Variants in HS6ST3 observed in about 807,000 individuals in gnomAD.
The protein encoded by HS6ST3 is heparan-sulfate 6-O-sulfotransferase 3.
HS6ST3 carries 12 observed loss-of-function variants against 36.7 expected under a neutral mutation model. The ratio of observed to expected loss-of-function variants is 0.33; its 90% CI spans 0.21 to 0.53. The LOEUF (loss-of-function observed/expected upper bound fraction) is 0.53. HS6ST3 is among the 20% of genes least tolerant of loss of function. The pLI is 0.95. For synonymous variants in HS6ST3, 240 were observed against 257.5 expected, an observed-to-expected ratio of 0.93 and a Z score of 0.65; for missense variants, 584 against 640.9, an observed-to-expected ratio of 0.91 and a Z score of 0.96.
chr13:96,756,846 C>T (rs919655896), intron 1 of HS6ST3, among the ~76,000 whole-genome samples: 2 of 152,220 alleles, frequency 1.3e-5, no homozygotes, highest in East Asian at 3.8e-4. Context: ...TCTACTGAGA[C>T]ATTGCTAAGT....
intron 1 of HS6ST3, among the ~76,000 whole-genome samples, chr13:96,320,021 T>G (rs2054995636): frequency 6.6e-6 from 1 of 152,160 alleles, no homozygotes; most frequent in South Asian, 2.1e-4. Flanking sequence ...GTTTTTCGGT[T>G]TACTCCTCAA....
At chr13:96,596,346 A>G (rs1264982955) in intron 1 of HS6ST3, among the ~76,000 whole-genome samples, 2 of 152,032 alleles carry the variant, frequency 1.3e-5, no homozygotes, top group African/African-American at 4.8e-5. Flanking sequence ...TTACATTTTC[A>G]TTATTAACTC....
intron 1 of HS6ST3, among the ~76,000 whole-genome samples, chr13:96,783,791 T>C (rs889364883): frequency 6.6e-6 from 1 of 152,128 alleles, no homozygotes; most frequent in Non-Finnish European, 1.5e-5. Context: ...CCGGAAGTGA[T>C]GTGATCTTGC....
chr13:96,785,568 C>A (rs974294142), intron 1 of HS6ST3, among the ~76,000 whole-genome samples: 4 of 152,138 alleles, frequency 2.6e-5, no homozygotes, highest in African/African-American at 9.7e-5. Flanking sequence ...TAGCAGAAAC[C>A]AAAGGCTTTC....
chr13:96,436,653 A>G lies in HS6ST3; in HGVS notation c.707+345084A>G, dbSNP rs538891387. Among the ~76,000 whole-genome samples, 58 of 152,340 alleles carry G rather than the reference A, an allele frequency of 3.8e-4. 1 individual carries two copies. Among genetic ancestry groups the G allele is most frequent in the Non-Finnish European group, 6.2e-4 (42 of 68,020 alleles). On this transcript the variant is annotated intron_variant, in intron 1 of 1. Coordinates refer to ENST00000376705, the MANE Select transcript of HS6ST3 (RefSeq NM_153456.4). ...CCTTATAAGAAGAAGAAATTTCATC[A>G]TATAAAAAGGATACAAGGTTTGCGC...
At chr13:96,450,483 C>G (rs184859225) in intron 1 of HS6ST3, among the ~76,000 whole-genome samples, 1 of 152,246 alleles carries the variant, frequency 6.6e-6, no homozygotes, top group East Asian at 1.9e-4. Flanking sequence ...AATACAGACC[C>G]CTGCTTGCCT....
At chr13:96,122,903 A>G (rs1377781460) in intron 1 of HS6ST3, among the ~76,000 whole-genome samples, 2 of 152,104 alleles carry the variant, frequency 1.3e-5, no homozygotes, top group African/African-American at 2.4e-5. Flanking sequence ...TAGATTGCCA[A>G]ATAGCTTTGG....
At chr13:96,587,962 T>C (rs1594813039) in intron 1 of HS6ST3, among the ~76,000 whole-genome samples, 1 of 152,260 alleles carries the variant, frequency 6.6e-6, no homozygotes, top group East Asian at 1.9e-4. Flanking sequence ...TATGGAGATA[T>C]TTTACCTGCT....
chr13:96,615,452 T>C lies in HS6ST3; in HGVS notation c.708-217038T>C, dbSNP rs544091944. Among the ~76,000 whole-genome samples, 420 of 152,336 alleles carry C rather than the reference T, an allele frequency of 2.8e-3. 1 individual carries two copies. Among genetic ancestry groups the C allele is most frequent in the South Asian group, 8.1e-3 (39 of 4,828 alleles). On this transcript the variant is annotated intron_variant, in intron 1 of 1. Transcript: ENST00000376705. ...ATCAGATGACATGATGAGAGCAGTG[T>C]CGATGGATGGTGGGTCTTGTGACCA... is the stretch of plus-strand genomic sequence containing the variant.
intron 1 of HS6ST3, among the ~76,000 whole-genome samples, chr13:96,124,908 T>C (rs1055635863): frequency 2.6e-5 from 4 of 152,172 alleles, no homozygotes; most frequent in African/African-American, 9.7e-5. Context: ...CTGATAGCTA[T>C]AGAGATATAC....
chr13:96,486,460 G>A (rs576867351), intron 1 of HS6ST3, among the ~76,000 whole-genome samples: 46 of 152,270 alleles, frequency 3.0e-4, no homozygotes, highest in African/African-American at 9.4e-4. Flanking sequence ...CACAATGGTT[G>A]AACTAGTTTA....
At chr13:96,380,264 CTTTT>C (rs33958530) in intron 1 of HS6ST3, among the ~76,000 whole-genome samples, 48 of 136,248 alleles carry the variant, frequency 3.5e-4, no homozygotes, top group Admixed American at 5.8e-4. Flanking sequence ...TAAGTTAGCA[CTTTT>C]TTTTTTTTTT....
chr13:96,589,481 A>G (rs1388243988), intron 1 of HS6ST3, among the ~76,000 whole-genome samples: 1 of 152,064 alleles, frequency 6.6e-6, no homozygotes, highest in Non-Finnish European at 1.5e-5. Context: ...TCAAAAAAAC[A>G]CATTTTAGTT....
At chr13:96,674,310 C>A (rs1275404300) in intron 1 of HS6ST3, among the ~76,000 whole-genome samples, 1 of 152,124 alleles carries the variant, frequency 6.6e-6, no homozygotes, top group Non-Finnish European at 1.5e-5. Flanking sequence ...TCCTGTACAG[C>A]CTGTGGAACC....
intron 1 of HS6ST3, among the ~76,000 whole-genome samples, chr13:96,618,401 T>A (rs2056482247): frequency 6.6e-6 from 1 of 152,202 alleles, no homozygotes; most frequent in Non-Finnish European, 1.5e-5. Context: ...ATGCCCTGGC[T>A]GGTTCTTTAT....
intron 1 of HS6ST3, among the ~76,000 whole-genome samples, chr13:96,334,536 A>C (rs2055089862): frequency 6.6e-6 from 1 of 152,244 alleles, no homozygotes; most frequent in Non-Finnish European, 1.5e-5. Context: ...TATAAAGAAA[A>C]AGAGATTTAA....
At chr13:96,597,114 C>A (rs191026280) in intron 1 of HS6ST3, among the ~76,000 whole-genome samples, 1 of 152,048 alleles carries the variant, frequency 6.6e-6, no homozygotes, top group South Asian at 2.1e-4. Context: ...CACATGTTCT[C>A]ACTTTTAAAT....
intron 1 of HS6ST3, among the ~76,000 whole-genome samples, chr13:96,767,577 T>A (rs1877150013): frequency 6.6e-6 from 1 of 152,224 alleles, no homozygotes; most frequent in African/African-American, 2.4e-5. Context: ...CATAAACTCT[T>A]GAATTGCAAC....
intron 1 of HS6ST3, among the ~76,000 whole-genome samples, chr13:96,382,443 G>A (rs1467162068): frequency 6.6e-6 from 1 of 152,132 alleles, no homozygotes; most frequent in Non-Finnish European, 1.5e-5. Flanking sequence ...GATATTGATG[G>A]TATTCTGGTT....
Sources: gnomAD v4.1 joint callset for allele counts (sites outside exome capture counted in the v4.1 genomes callset) on GRCh38, gnomAD v4.1.1 for gene constraint, MANE v1.5 for transcripts, NCBI Gene and HGNC (gene_info 2026-07-23, HGNC 2026-07-21) for gene names.